Variants in C1orf21 observed in about 807,000 individuals in gnomAD.
The protein encoded by C1orf21 is uncharacterized protein C1orf21.
Under a neutral mutation model 18.7 loss-of-function variants are expected in C1orf21, and 3 were observed. That is an observed-to-expected ratio of 0.16 (90% confidence interval 0.07 to 0.42). The LOEUF (loss-of-function observed/expected upper bound fraction) is 0.42. Among genes scored for constraint, C1orf21 ranks in the 10% least tolerant of loss-of-function variants. The pLI is 0.99. For missense variants in C1orf21, 104 were observed against 143.6 expected (o/e 0.72, Z 1.41); for synonymous variants, 41 against 46.4 (o/e 0.88, Z 0.47).
intron 3 of C1orf21, among the ~76,000 whole-genome samples, chr1:184,579,416 G>T (rs1435447342): frequency 2.6e-5 from 3 of 115,532 alleles, no homozygotes; most frequent in Non-Finnish European, 5.0e-5. Context: ...TTGAGACGAG[G>T]TCTCACCATG....
intron 5 of C1orf21, among the ~76,000 whole-genome samples, chr1:184,615,997 G>A (rs1156862511): frequency 1.3e-5 from 2 of 152,088 alleles, no homozygotes; most frequent in African/African-American, 4.8e-5. Context: ...ACTAACTCTA[G>A]TCACCCTACT....
chr1:184,579,211 T>C (rs1017417573), intron 3 of C1orf21, among the ~76,000 whole-genome samples: 2 of 150,256 alleles, frequency 1.3e-5, no homozygotes, highest in African/African-American at 4.9e-5. Context: ...CTAATTTTTT[T>C]TTTTTTTTTT....
rs756115643 is a variant in C1orf21 at position 184,598,470 on chromosome 1, T to C, written c.327+9T>C. The C allele has an allele frequency of 1.2e-6, 2 of 1,609,090 alleles. No homozygotes were observed. Among genetic ancestry groups the C allele is most frequent in the Non-Finnish European group, 1.7e-6 (2 of 1,176,682 alleles). On this transcript the variant is annotated intron_variant, in intron 5 of 5. Coordinates refer to ENST00000235307, the MANE Select transcript of C1orf21 (RefSeq NM_030806.4). ...ATGAAAAAATTGAAAAGGTAAGAAG[T>C]GAAATAAATAACCTACATGTTTCAA...
chr1:184,613,515 T>A (rs1348909832), intron 5 of C1orf21, among the ~76,000 whole-genome samples: 1 of 152,216 alleles, frequency 6.6e-6, no homozygotes, highest in African/African-American at 2.4e-5. Flanking sequence ...ATAGTTTTGC[T>A]CAAAACTTAT....
At chr1:184,524,418 A>C (rs1055258488) in intron 3 of C1orf21, among the ~76,000 whole-genome samples, 8 of 152,156 alleles carry the variant, frequency 5.3e-5, no homozygotes, top group Non-Finnish European at 1.0e-4. Flanking sequence ...AACCTTACTT[A>C]GATAAGTTGA....
chr1:184,572,738 G>A (rs1659129846), intron 3 of C1orf21, among the ~76,000 whole-genome samples: 1 of 152,140 alleles, frequency 6.6e-6, no homozygotes, highest in Admixed American at 6.5e-5. Context: ...TGGATCATGA[G>A]GTGAGGAGTT....
intron 1 of C1orf21, among the ~76,000 whole-genome samples, chr1:184,397,906 C>T (rs1462806840): frequency 6.6e-6 from 1 of 152,172 alleles, no homozygotes; most frequent in Non-Finnish European, 1.5e-5. Flanking sequence ...TAAGTTACAG[C>T]AAATGATTGC....
chr1:184,589,830 G>A (rs1659411784), intron 3 of C1orf21, among the ~76,000 whole-genome samples: 2 of 152,098 alleles, frequency 1.3e-5, no homozygotes, highest in Non-Finnish European at 2.9e-5. Flanking sequence ...GCTCATTTGG[G>A]GACCATCTGT....
intron 1 of C1orf21, among the ~76,000 whole-genome samples, chr1:184,461,277 A>T (rs1657304287): frequency 6.6e-6 from 1 of 152,180 alleles, no homozygotes; most frequent in Non-Finnish European, 1.5e-5. Flanking sequence ...GCTTCTAATA[A>T]GGGGTGGTTG....
chr1:184,388,273 T>A (rs1285724575), intron 1 of C1orf21, among the ~76,000 whole-genome samples: 5 of 152,132 alleles, frequency 3.3e-5, no homozygotes, highest in Non-Finnish European at 7.3e-5. Context: ...AAATTTGGGG[T>A]GGTCCTCTTT....
intron 1 of C1orf21, among the ~76,000 whole-genome samples, chr1:184,462,082 C>G (rs541248537): frequency 6.6e-6 from 1 of 152,216 alleles, no homozygotes; most frequent in African/African-American, 2.4e-5. Flanking sequence ...TATAATATAC[C>G]TTAGAGATGA....
chr1:184,417,081 G>T lies in C1orf21; in HGVS notation c.-125+29713G>T, dbSNP rs550968126. Among the ~76,000 whole-genome samples the T allele has an allele frequency of 5.9e-5, 9 of 152,156 alleles. No individual in the cohort carries two copies. The South Asian group carries it at 1.9e-3, about 32-fold the overall frequency. ...TGAATGAATGAAAATCTCTTGTGGG[G>T]TGTGTGTGTGTAAATTCCAGGTGAT... On this transcript the variant is annotated intron_variant, in intron 1 of 5. Coordinates refer to ENST00000235307, the MANE Select transcript of C1orf21 (RefSeq NM_030806.4).
chr1:184,557,695 G>T (rs976116197), intron 3 of C1orf21, among the ~76,000 whole-genome samples: 3 of 152,284 alleles, frequency 2.0e-5, no homozygotes, highest in South Asian at 2.1e-4. Context: ...ATTGCTAATT[G>T]TGTGAGAAGC....
intron 3 of C1orf21, among the ~76,000 whole-genome samples, chr1:184,560,918 T>C (rs1459928001): frequency 2.0e-5 from 3 of 152,224 alleles, no homozygotes; most frequent in African/African-American, 7.2e-5. Flanking sequence ...TTATTTTTAA[T>C]TAGTACGCCA....
chr1:184,536,523 G>A (rs1396732662), intron 3 of C1orf21, among the ~76,000 whole-genome samples: 1 of 152,174 alleles, frequency 6.6e-6, no homozygotes, highest in Non-Finnish European at 1.5e-5. Context: ...CACCTCACTG[G>A]GAGAGAGGTG....
intron 2 of C1orf21, among the ~76,000 whole-genome samples, chr1:184,501,530 CT>C (rs1657976540): frequency 6.6e-6 from 1 of 152,176 alleles, no homozygotes; most frequent in Non-Finnish European, 1.5e-5. Context: ...GCCATAAAAA[CT>C]GTACACACTA....
chr1:184,443,831 C>T (rs1159047788), intron 1 of C1orf21, among the ~76,000 whole-genome samples: 1 of 152,072 alleles, frequency 6.6e-6, no homozygotes, highest in African/African-American at 2.4e-5. Flanking sequence ...CCAAGCATAT[C>T]CTGAAGTGCA....
At chr1:184,495,266 T>G (rs1657874440) in intron 2 of C1orf21, among the ~76,000 whole-genome samples, 1 of 152,212 alleles carries the variant, frequency 6.6e-6, no homozygotes, top group East Asian at 1.9e-4. Context: ...CTCATGGAAC[T>G]CTGAGCTCCA....
intron 3 of C1orf21, among the ~76,000 whole-genome samples, chr1:184,568,206 A>C (rs989834333): frequency 6.6e-6 from 1 of 152,208 alleles, no homozygotes; most frequent in African/African-American, 2.4e-5. Context: ...CACACAAAAA[A>C]TTGTGGTAAA....
Sources: gnomAD v4.1 joint callset for allele counts (sites outside exome capture counted in the v4.1 genomes callset) on GRCh38, gnomAD v4.1.1 for gene constraint, MANE v1.5 for transcripts, NCBI Gene and HGNC (gene_info 2026-07-23, HGNC 2026-07-21) for gene names.